Variants in LRPPRC observed in about 807,000 individuals in gnomAD.
LRPPRC encodes the protein leucine-rich PPR motif-containing protein, mitochondrial.
LRPPRC carries 120 observed loss-of-function variants against 180.3 expected under a neutral mutation model. The ratio of observed to expected loss-of-function variants is 0.67; its 90% confidence interval spans 0.57 to 0.77. The LOEUF (loss-of-function observed/expected upper bound fraction) is 0.77, where lower values mean the gene tolerates loss of function less well. Ranked by LOEUF, LRPPRC falls within the 30% of genes least tolerant of loss-of-function variation. LRPPRC has a pLI of 0.00. For synonymous variants in LRPPRC, 723 were observed against 600.0 expected, an observed-to-expected ratio of 1.21 and a Z score of -3.00; for missense variants, 2,012 against 1,657.2, an observed-to-expected ratio of 1.21 and a Z score of -3.72.
At chr2:43,957,765 G>A (rs1463958182) in intron 13 of LRPPRC, among the ~76,000 whole-genome samples, 2 of 152,160 alleles carry the variant, frequency 1.3e-5, no homozygotes, top group Non-Finnish European at 2.9e-5. Flanking sequence ...CACTGAGGCT[G>A]TATGTTGTTG....
rs1670694898 is a variant in LRPPRC, at chr2:43,896,577, A to ACTT, written c.3900+54_3900+56dup. 10 of 1,082,810 alleles carry ACTT rather than the reference A, an allele frequency of 9.2e-6. No homozygotes were observed. In the Admixed American group the frequency reaches 1.7e-4, roughly 18 times the overall value. 67.1% of individuals were successfully genotyped at this position (1,082,810 alleles called of 1,614,324 possible). A position where few individuals can be genotyped will look rare whatever the true frequency, so the allele number is the denominator to read the frequency against. On this transcript the variant is annotated intron_variant, in intron 35 of 37. Coordinates refer to ENST00000260665, the MANE Select transcript of LRPPRC (RefSeq NM_133259.4). ...AACAGGCTTTTATGTTAAATTCAAT[A>ACTT]CTTCTGAGCAAGGCACGTACAGTAT...
chr2:43,902,989 C>T (rs576229441), intron 31 of LRPPRC: 1 of 152,148 alleles, frequency 6.6e-6, no homozygotes, highest in Non-Finnish European at 1.5e-5. Flanking sequence ...GACCCCTGGG[C>T]ACAGAGATTA....
At chr2:43,924,506 G>A (rs1229986630) in intron 27 of LRPPRC, among the ~76,000 whole-genome samples, 5 of 152,164 alleles carry the variant, frequency 3.3e-5, no homozygotes, top group African/African-American at 1.2e-4. Context: ...AGTAATAGGA[G>A]ATGATAGGCT....
chr2:43,972,519 G>A (rs1173059461), intron 11 of LRPPRC, among the ~76,000 whole-genome samples: 1 of 152,212 alleles, frequency 6.6e-6, no homozygotes, highest in African/African-American at 2.4e-5. Context: ...TGAAGAGTTT[G>A]ATGGAATGAT....
intron 1 of LRPPRC, among the ~76,000 whole-genome samples, chr2:43,983,675 C>G (rs1674407971): frequency 6.6e-6 from 1 of 152,112 alleles, no homozygotes; most frequent in Non-Finnish European, 1.5e-5. Flanking sequence ...TCACATTTTT[C>G]AGACGTACAC....
chr2:43,907,774 A>G (rs1465699739), intron 30 of LRPPRC, among the ~76,000 whole-genome samples: 1 of 152,196 alleles, frequency 6.6e-6, no homozygotes, highest in Admixed American at 6.5e-5. Context: ...TGCAAAAATT[A>G]AACTATCTTA....
chr2:43,945,091 TAAA>T (rs1672629473), intron 22 of LRPPRC, among the ~76,000 whole-genome samples: 1 of 152,028 alleles, frequency 6.6e-6, no homozygotes, highest in Non-Finnish European at 1.5e-5. Context: ...GCAATGCTAA[TAAA>T]AACTAGCTGC....
chr2:43,986,456 C>T (rs1674530604), intron 1 of LRPPRC, among the ~76,000 whole-genome samples: 1 of 152,236 alleles, frequency 6.6e-6, no homozygotes, highest in East Asian at 1.9e-4. Context: ...ACTCTTCTCT[C>T]CACTTTTTTT....
chr2:43,935,551 AC>A (rs1370362467), intron 23 of LRPPRC, among the ~76,000 whole-genome samples: 1 of 152,344 alleles, frequency 6.6e-6, no homozygotes, highest in Admixed American at 6.5e-5. Context: ...ATTTCCAATT[AC>A]AAAGTCAAGC....
chr2:43,896,916 T>C lies in LRPPRC; in HGVS notation c.3826-208A>G, dbSNP rs10495910. 0.088 allele frequency among the ~76,000 whole-genome samples: 13,383 copies of C among 152,208 alleles called. 671 individuals are homozygous for C. Among genetic ancestry groups the C allele is most frequent in the South Asian group, 0.14 (698 of 4,820 alleles). ...GCTTTGGTGAATGCTGTCCTTGGCA[T>C]TGCAAGTATAAAGTTTGTTTAAAAA... On this transcript the variant is annotated intron_variant, in intron 34 of 37. Transcript: ENST00000260665.
chr2:43,981,485 C>A (rs1400128857), intron 2 of LRPPRC, among the ~76,000 whole-genome samples: 1 of 151,976 alleles, frequency 6.6e-6, no homozygotes, highest in African/African-American at 2.4e-5. Context: ...ATGGTGAAAC[C>A]CCGTCCCTAC....
intron 2 of LRPPRC, among the ~76,000 whole-genome samples, chr2:43,980,501 C>T (rs187002328): frequency 4.9e-5 from 7 of 143,460 alleles, no homozygotes; most frequent in East Asian, 2.0e-4. Context: ...TGCGGTGAGC[C>T]GACATTGCAC....
intron 25 of LRPPRC, among the ~76,000 whole-genome samples, chr2:43,928,600 A>G (rs1172244986): frequency 6.6e-6 from 1 of 152,128 alleles, no homozygotes; most frequent in African/African-American, 2.4e-5. Flanking sequence ...GACAAAGACA[A>G]GAATGCTGGA....
chr2:43,889,980 G>A, intron 36 of LRPPRC, 104 bp from the exon 37 acceptor site: 1 of 775,600 alleles, frequency 1.3e-6, no homozygotes, highest in Non-Finnish European at 2.3e-6. Flanking sequence ...TTATCCCACG[G>A]CAAATGAACA....
intron 1 of LRPPRC, among the ~76,000 whole-genome samples, chr2:43,986,598 G>C (rs1432805365): frequency 6.6e-6 from 1 of 152,154 alleles, no homozygotes; most frequent in East Asian, 1.9e-4. Flanking sequence ...TTTGTGCTGG[G>C]TATGAGAAAA....
At chr2:43,891,015 C>G (rs995237499) in intron 36 of LRPPRC, among the ~76,000 whole-genome samples, 2 of 152,242 alleles carry the variant, frequency 1.3e-5, no homozygotes, top group African/African-American at 4.8e-5. Flanking sequence ...ACCCCTAAGA[C>G]AGAGGTGAGA....
At chr2:43,891,218 T>C (rs1660405838) in intron 36 of LRPPRC, among the ~76,000 whole-genome samples, 2 of 152,238 alleles carry the variant, frequency 1.3e-5, no homozygotes, top group Admixed American at 1.3e-4. Flanking sequence ...AATTCTGGCA[T>C]CTTGCCTTTC....
At chr2:43,940,633 A>G (rs1485541397) in intron 23 of LRPPRC, among the ~76,000 whole-genome samples, 1 of 152,180 alleles carries the variant, frequency 6.6e-6, no homozygotes, top group Non-Finnish European at 1.5e-5. Context: ...TAATCCAGTT[A>G]AACAGCTTCA....
At chr2:43,948,882 T>G (rs1459148575) in intron 16 of LRPPRC, among the ~76,000 whole-genome samples, 1 of 143,646 alleles carries the variant, frequency 7.0e-6, no homozygotes, top group African/African-American at 2.7e-5. Flanking sequence ...TTCTATACTG[T>G]TTTTTTTTTG....
Sources: allele counts gnomAD v4.1 joint callset (sites outside exome capture counted in the v4.1 genomes callset), GRCh38; gene constraint gnomAD v4.1.1; transcripts MANE v1.5; gene names NCBI Gene and HGNC (gene_info 2026-07-23, HGNC 2026-07-21).